MROH9: variants seen among roughly 807,000 people sequenced by gnomAD.
MROH9 encodes the protein maestro heat like repeat family member 9.
Under a neutral mutation model 98.2 loss-of-function variants are expected in MROH9, and 92 were observed. The ratio of observed to expected loss-of-function variants is 0.94; its 90% confidence interval spans 0.79 to 1.11. The LOEUF is 1.11. MROH9 is among the 50% of genes most tolerant of loss of function. MROH9 has a pLI of 0.00. For missense variants in MROH9, 1,057 were observed against 1,014.8 expected, an observed-to-expected ratio of 1.04 and a Z score of -0.57; for synonymous variants, 397 against 368.9, an observed-to-expected ratio of 1.08 and a Z score of -0.87.
chr1:171,045,777 A>G (rs1163672358), intron 20 of MROH9, among the ~76,000 whole-genome samples: 4 of 152,196 alleles, frequency 2.6e-5, no homozygotes, highest in Non-Finnish European at 4.4e-5. Flanking sequence ...CAGCTCTTGA[A>G]TGAAATGTTC....
chr1:170,937,515 ATTTT>A (rs71125282), intron 1 of MROH9, among the ~76,000 whole-genome samples: 87 of 113,556 alleles, frequency 7.7e-4, no homozygotes, highest in Middle Eastern at 5.5e-3. Flanking sequence ...CATAATCAGT[ATTTT>A]TTTTTTTTTT....
At chr1:171,006,505 C>A (rs2101824799) in intron 15 of MROH9, among the ~76,000 whole-genome samples, 1 of 152,138 alleles carries the variant, frequency 6.6e-6, no homozygotes, top group Middle Eastern at 3.4e-3. Context: ...TTTCTGCCCT[C>A]TCTCTCCTCC....
chr1:170,977,080 C>T (rs1018587962), intron 8 of MROH9, among the ~76,000 whole-genome samples: 1 of 152,116 alleles, frequency 6.6e-6, no homozygotes, highest in Non-Finnish European at 1.5e-5. Flanking sequence ...TGTTTTTCAG[C>T]TCTATCAGGC....
chr1:171,062,071 A>G (rs1654032331), intron 20 of MROH9, 61 bp from the exon 21 acceptor site: 7 of 1,079,880 alleles, frequency 6.5e-6, no homozygotes, highest in Non-Finnish European at 8.3e-6. Flanking sequence ...GCCAGATAAC[A>G]TCAGAAAATG....
At position 171,024,561 on chromosome 1, in the gene MROH9, T is replaced by C. The variant is rs1379856900; in HGVS notation, c.2061+14T>C. The C allele has an allele frequency of 4.6e-6, 7 of 1,524,220 alleles. No homozygotes were observed. The African/African-American group carries it at 7.0e-5, about 15-fold the overall frequency. 94.4% of individuals were successfully genotyped at this position (1,524,220 alleles called of 1,614,324 possible). A position where few individuals can be genotyped will look rare whatever the true frequency, so the allele number is the denominator to read the frequency against. On this transcript the variant is annotated intron_variant, in intron 18 of 21. Transcript: ENST00000367759. ...AGAGTAGCTGAAGTAAGTCATTTGATCTTCTTTTTCATAAATTTACCAAGG... is the reference window on the plus strand; with the variant it reads ...AGAGTAGCTGAAGTAAGTCATTTGACCTTCTTTTTCATAAATTTACCAAGG...
chr1:170,979,572 CA>C lies in MROH9; in HGVS notation c.617-3847del, dbSNP rs1390793709. On this transcript the variant is annotated intron_variant, in intron 8 of 21. Transcript: ENST00000367759. ...ATGTAAAATCTAAAACTATAGAACT[CA>C]AAGAAATTTTGGGGGCCTTGGATTA... Among the ~76,000 whole-genome samples, 5 of 152,172 alleles carry C rather than the reference CA, an allele frequency of 3.3e-5. No individual in the cohort carries two copies. In the South Asian group the frequency reaches 1.0e-3, roughly 32 times the overall value.
At chr1:171,056,408 C>A (rs1452847705) in intron 20 of MROH9, among the ~76,000 whole-genome samples, 1 of 152,212 alleles carries the variant, frequency 6.6e-6, no homozygotes, top group Non-Finnish European at 1.5e-5. Context: ...CTGACCCTGA[C>A]TCATCCTTCC....
intron 20 of MROH9, among the ~76,000 whole-genome samples, chr1:171,043,874 C>G (rs1416709789): frequency 6.6e-6 from 1 of 151,986 alleles, no homozygotes; most frequent in African/African-American, 2.4e-5. Context: ...CTTGTGAAGT[C>G]TTGAGGTTTT....
In MROH9 at chr1:170,959,478, C is replaced by T; in HGVS notation, c.169C>T (p.Leu57=). The change falls in exon 5 of 22, where the codon CTG becomes TTG. Residue 57 remains leucine (L), a synonymous_variant. Coordinates refer to ENST00000367759, the MANE Select transcript of MROH9 (RefSeq NM_001163629.2). ...TCTTGTCAGCTTTGTGGATCCCTTA[C>T]TGCAGTTTGAATCTCAGTTGAAGAT... ...AVNSSFVDPL[L]QFESQLKIIE... 6.2e-7 allele frequency: 1 copy of T among 1,609,886 alleles called. No homozygotes were observed. The highest frequency in any genetic ancestry group is 8.5e-7 in the Non-Finnish European group (1 of 1,178,246).
rs756708951 is a variant in MROH9 at position 170,989,886 on chromosome 1, A to T, written c.911A>T (p.Gln304Leu). ...AAGATCGTGGATGCTATTTACAGGC[A>T]ACTGTGTGATAACAATTGTATGAAG... ...VSKIVDAIYRQLCDNNCMKDV... is the reference protein window; with the variant it reads ...VSKIVDAIYRLLCDNNCMKDV... The change falls in exon 11 of 22, where the codon CAA (glutamine) becomes CTA (leucine). Residue 304 changes from glutamine to leucine, a missense_variant. Gln to Leu is a moderately radical substitution (Grantham distance 113). Coordinates refer to ENST00000367759, the MANE Select transcript of MROH9 (RefSeq NM_001163629.2). 1 of 1,610,024 alleles carries T rather than the reference A, an allele frequency of 6.2e-7. No homozygotes were observed. The highest frequency in any genetic ancestry group is 1.1e-5 in the South Asian group (1 of 90,672).
At position 171,064,316 on chromosome 1, in the gene MROH9, T is replaced by C; in HGVS notation, c.2562T>C (p.Asp854=). The change falls in exon 22 of 22, where the codon GAT becomes GAC. Residue 854 remains aspartate, a synonymous_variant. Coordinates refer to ENST00000367759, the MANE Select transcript of MROH9 (RefSeq NM_001163629.2). ...GQIDSPTDSK[D]VKNDKAL is the part of the protein sequence containing the mutation. Reference sequence around the variant, plus strand: ...TAGACAGTCCTACAGACAGTAAAGATGTCAAGAATGATAAGGCCTTATAGA... The same window carrying C: ...TAGACAGTCCTACAGACAGTAAAGACGTCAAGAATGATAAGGCCTTATAGA... 1.9e-6 allele frequency: 3 copies of C among 1,541,086 alleles called. No individual in the cohort carries two copies. Among genetic ancestry groups the C allele is most frequent in the Non-Finnish European group, 2.6e-6 (3 of 1,144,428 alleles).
chr1:170,995,390 C>A lies in MROH9; in HGVS notation c.1196C>A (p.Ala399Glu). 1 of 1,613,206 alleles carries A rather than the reference C, an allele frequency of 6.2e-7. No individual in the cohort carries two copies. The highest frequency in any genetic ancestry group is 1.1e-5 in the South Asian group (1 of 91,044). Residue 399 changes from alanine to glutamate, a missense_variant and splice_region_variant, in exon 13 of 22, where the codon GCA becomes GAA. Transcript: ENST00000367759. ...ACCTCCTATTTCCTTCCCTTATAGG[C>A]ATGCCAGGCCCTGTGCACCTTTCTG... ...LDITNLMPLA[A>E]CQALCTFLPL...
At chr1:170,978,060 T>C (rs926377885) in intron 8 of MROH9, among the ~76,000 whole-genome samples, 15 of 152,204 alleles carry the variant, frequency 9.9e-5, no homozygotes, top group African/African-American at 3.6e-4. Flanking sequence ...GATAGTACCA[T>C]TGCAGAGGCA....
chr1:171,058,627 G>A (rs188776923), intron 20 of MROH9, among the ~76,000 whole-genome samples: 46 of 152,226 alleles, frequency 3.0e-4, no homozygotes, highest in African/African-American at 1.1e-3. Context: ...CAACAACATG[G>A]TACTGGTACA....
intron 20 of MROH9, among the ~76,000 whole-genome samples, chr1:171,029,179 T>C (rs1190711076): frequency 6.6e-6 from 1 of 152,188 alleles, no homozygotes; most frequent in African/African-American, 2.4e-5. Context: ...AGCTTTATTA[T>C]TGTGAGATAT....
At chr1:170,965,106 A>G (rs1266405861) in intron 6 of MROH9, 45 bp from the exon 7 acceptor site, 1 of 1,417,520 alleles carries the variant, frequency 7.1e-7, no homozygotes, top group Non-Finnish European at 9.8e-7. Flanking sequence ...GTTCTTGGAA[A>G]ATGGAAATTT....
At chr1:170,989,326 A>G (rs1233882318) in intron 10 of MROH9, among the ~76,000 whole-genome samples, 1 of 152,168 alleles carries the variant, frequency 6.6e-6, no homozygotes, top group African/African-American at 2.4e-5. Context: ...AAGAATGAGT[A>G]AAAAGGGGGA....
chr1:171,001,040 G>A (rs142944272), intron 15 of MROH9, among the ~76,000 whole-genome samples: 2,513 of 152,066 alleles, frequency 0.017, 66 homozygotes, highest in African/African-American at 0.058. Context: ...GGTGTTCATA[G>A]TAGCCTTGAA....
chr1:170,961,631 T>A (rs1385145629), intron 5 of MROH9, among the ~76,000 whole-genome samples: 3 of 152,194 alleles, frequency 2.0e-5, no homozygotes, highest in African/African-American at 4.8e-5. Flanking sequence ...ATATTCATTC[T>A]ACTTCTCAAA....
Sources: gnomAD v4.1 joint callset for allele counts (sites outside exome capture counted in the v4.1 genomes callset) on GRCh38, gnomAD v4.1.1 for gene constraint, MANE v1.5 for transcripts, NCBI Gene and HGNC (gene_info 2026-07-23, HGNC 2026-07-21) for gene names.